Variants in PLEKHM3 observed in about 807,000 individuals in gnomAD.
PLEKHM3 encodes pleckstrin homology domain containing M3, also known as pleckstrin homology domain-containing family M member 3.
A neutral mutation model predicts 81.8 loss-of-function variants in PLEKHM3; 45 were observed. The ratio of observed to expected loss-of-function variants is 0.55; its 90% CI spans 0.43 to 0.71. PLEKHM3 has a LOEUF of 0.71. PLEKHM3 is among the 30% of genes least tolerant of loss of function. PLEKHM3 has a pLI of 0.00. For synonymous variants in PLEKHM3, 352 were observed against 356.4 expected, an observed-to-expected ratio of 0.99 and a Z score of 0.14; for missense variants, 788 against 924.3, an observed-to-expected ratio of 0.85 and a Z score of 1.91.
At chr2:207,866,083 A>G (rs1216941215) in intron 6 of PLEKHM3, among the ~76,000 whole-genome samples, 4 of 151,670 alleles carry the variant, frequency 2.6e-5, no homozygotes, top group African/African-American at 4.8e-5. Flanking sequence ...TTTTTCTTAG[A>G]TCCATCATGC....
chr2:207,923,880 C>CACACAT (rs1319162543), intron 5 of PLEKHM3, among the ~76,000 whole-genome samples: 77 of 56,770 alleles, frequency 1.4e-3, no homozygotes, highest in East Asian at 2.1e-3. Flanking sequence ...CACACACACA[C>CACACAT]ATATATATAT....
chr2:207,861,742 T>C (rs1265282276), intron 6 of PLEKHM3, among the ~76,000 whole-genome samples: 1 of 152,178 alleles, frequency 6.6e-6, no homozygotes, highest in Non-Finnish European at 1.5e-5. Context: ...TGGGGAAAAA[T>C]AGGTTTCTTT....
In PLEKHM3 at chr2:207,976,693, A is replaced by T; in HGVS notation, c.1504T>A (p.Ser502Thr). 1.2e-6 allele frequency: 2 copies of T among 1,614,182 alleles called. No homozygotes were observed. Among genetic ancestry groups the T allele is most frequent in the Non-Finnish European group, 1.7e-6 (2 of 1,180,016 alleles). Residue 502 changes from serine (S) to threonine (T), a missense_variant, in exon 3 of 8, where the codon TCT (serine) becomes ACT (threonine). Coordinates refer to ENST00000427836, the MANE Select transcript of PLEKHM3 (RefSeq NM_001080475.3). The surrounding 1 kb of genome is among the most constrained non-coding windows in gnomAD (Gnocchi z 4.1). ...TGAGCAGTGAGTCCTCGTTCCAAAGACAAAGTCGTCAAAATGCTCAGGAAG... is the reference window on the plus strand; with the variant it reads ...TGAGCAGTGAGTCCTCGTTCCAAAGTCAAAGTCGTCAAAATGCTCAGGAAG... ...TSFLSILTTLSLERGLTAQSF... is the reference protein window; with the variant it reads ...TSFLSILTTLTLERGLTAQSF...
chr2:207,995,204 C>T lies in PLEKHM3; in HGVS notation c.610+5826G>A, dbSNP rs73983660. On this transcript the variant is annotated intron_variant, in intron 2 of 7. Coordinates refer to ENST00000427836, the MANE Select transcript of PLEKHM3 (RefSeq NM_001080475.3). The stretch of plus-strand genomic sequence containing the variant: ...AAGAAACTGTGACCGGCTCTGTGTC[C>T]GAGTATTTCAGTGAATAAGTTAAAT... Among the ~76,000 whole-genome samples, 461 of 152,178 alleles carry T rather than the reference C, an allele frequency of 3.0e-3. 4 individuals are homozygous for T. Among genetic ancestry groups the T allele is most frequent in the African/African-American group, 0.011 (445 of 41,538 alleles).
intron 5 of PLEKHM3, among the ~76,000 whole-genome samples, chr2:207,924,316 G>A (rs1689313099): frequency 6.6e-6 from 1 of 152,076 alleles, no homozygotes; most frequent in South Asian, 2.1e-4. Flanking sequence ...AGAGTGCTGG[G>A]CCAAACGTTG....
At chr2:207,888,193 C>T (rs1687940706) in intron 6 of PLEKHM3, among the ~76,000 whole-genome samples, 1 of 152,148 alleles carries the variant, frequency 6.6e-6, no homozygotes, top group Non-Finnish European at 1.5e-5. Context: ...TCTCCACAGA[C>T]CTTTTCATTG....
chr2:207,863,595 G>T (rs993447002), intron 6 of PLEKHM3, among the ~76,000 whole-genome samples: 1 of 152,192 alleles, frequency 6.6e-6, no homozygotes, highest in Non-Finnish European at 1.5e-5. Context: ...GTTGCCACCC[G>T]GCGTGCTGGG....
intron 6 of PLEKHM3, among the ~76,000 whole-genome samples, chr2:207,878,023 C>G (rs1211809211): frequency 6.6e-6 from 1 of 152,186 alleles, no homozygotes; most frequent in African/African-American, 2.4e-5. Flanking sequence ...GCAACCATCT[C>G]TGCCTCCTGG....
At chr2:207,953,656 A>G (rs1173474488) in intron 3 of PLEKHM3, among the ~76,000 whole-genome samples, 1 of 152,040 alleles carries the variant, frequency 6.6e-6, no homozygotes. Flanking sequence ...CTAAAAACAC[A>G]AAAATTAGCT....
At chr2:207,883,990 AC>A (rs1162784500) in intron 6 of PLEKHM3, among the ~76,000 whole-genome samples, 1 of 152,140 alleles carries the variant, frequency 6.6e-6, no homozygotes, top group Non-Finnish European at 1.5e-5. Flanking sequence ...AAAATCTAAT[AC>A]CCTTCTTTGA....
At chr2:207,968,239 A>G (rs1409264696) in intron 3 of PLEKHM3, among the ~76,000 whole-genome samples, 1 of 152,064 alleles carries the variant, frequency 6.6e-6, no homozygotes, top group Non-Finnish European at 1.5e-5. Flanking sequence ...GACCACAACT[A>G]CACTTCCTCT....
intron 1 of PLEKHM3, among the ~76,000 whole-genome samples, chr2:208,014,186 C>T (rs1188899930): frequency 1.3e-5 from 2 of 152,304 alleles, no homozygotes; most frequent in East Asian, 3.9e-4. Flanking sequence ...GCAAGGCTGG[C>T]AAAGGCAGAC....
intron 6 of PLEKHM3, among the ~76,000 whole-genome samples, chr2:207,865,781 CAAAAAAA>C (rs71412445): frequency 7.9e-4 from 3 of 3,796 alleles, no homozygotes; most frequent in African/African-American, 2.1e-3. Context: ...AACTCCGACT[CAAAAAAA>C]AAAAAAAAAA....
chr2:208,017,969 TG>T (rs1692981133), intron 1 of PLEKHM3, among the ~76,000 whole-genome samples: 1 of 152,170 alleles, frequency 6.6e-6, no homozygotes, highest in African/African-American at 2.4e-5. Context: ...ATCGTAAATG[TG>T]GGTATTCCTG....
Position 207,977,253 on chromosome 2 carries a change from A to G in PLEKHM3, c.944T>C (p.Met315Thr). The change falls in exon 3 of 8, where the codon ATG becomes ACG. Residue 315 changes from methionine to threonine, a missense_variant. Coordinates refer to ENST00000427836, the MANE Select transcript of PLEKHM3 (RefSeq NM_001080475.3). ...EVVHAAVPGYMGRQNELTISP... is the reference protein window; with the variant it reads ...EVVHAAVPGYTGRQNELTISP... ...GATTGTCAGCTCATTCTGCCGCCCC[A>G]TGTAACCGGGCACAGCAGCATGCAC... 2 of 1,614,150 alleles carry G rather than the reference A, an allele frequency of 1.2e-6. No homozygotes were observed. Among genetic ancestry groups the G allele is most frequent in the East Asian group, 4.5e-5 (2 of 44,878 alleles).
intron 4 of PLEKHM3, among the ~76,000 whole-genome samples, chr2:207,943,504 T>C (rs1690011084): frequency 1.3e-5 from 2 of 152,226 alleles, no homozygotes; most frequent in Admixed American, 1.3e-4. Context: ...CCTAGAGTGC[T>C]ACTCCAGTAG....
intron 7 of PLEKHM3, among the ~76,000 whole-genome samples, chr2:207,853,727 CCAAACAAA>C (rs374112794): frequency 1.3e-5 from 2 of 151,922 alleles, no homozygotes; most frequent in Non-Finnish European, 2.9e-5. Flanking sequence ...TAGCAAGTCG[CCAAACAAA>C]CAAACAAACA....
chr2:207,901,132 G>A, intron 6 of PLEKHM3: 1 of 631,416 alleles, frequency 1.6e-6, no homozygotes, highest in South Asian at 1.8e-5. Context: ...TCTCACCTGG[G>A]CAACAGGGCT....
chr2:207,840,198 T>C (rs1161148421), intron 7 of PLEKHM3, among the ~76,000 whole-genome samples: 1 of 152,234 alleles, frequency 6.6e-6, no homozygotes, highest in Non-Finnish European at 1.5e-5. Context: ...GGTTTTGTTT[T>C]TTGTTTTAGA....
Sources: gnomAD v4.1 joint callset for allele counts (sites outside exome capture counted in the v4.1 genomes callset) on GRCh38, gnomAD v4.1.1 for gene constraint, Gnocchi (gnomAD v3.1) non-coding constraint, MANE v1.5 for transcripts, NCBI Gene and HGNC (gene_info 2026-07-23, HGNC 2026-07-21) for gene names.